CYP24A1: variants seen among roughly 807,000 people sequenced by gnomAD.
The protein encoded by CYP24A1 is 1,25-dihydroxyvitamin D(3) 24-hydroxylase, mitochondrial.
A neutral mutation model predicts 62.4 loss-of-function variants in CYP24A1; 68 were observed. The ratio of observed to expected loss-of-function variants is 1.09; its 90% CI spans 0.90 to 1.33. CYP24A1 has a LOEUF of 1.33. Among genes scored for constraint, CYP24A1 ranks in the 40% most tolerant of loss-of-function variants. CYP24A1 has a pLI of 0.00. For synonymous variants in CYP24A1, 267 were observed against 253.0 expected, an observed-to-expected ratio of 1.06 and a Z score of -0.52; for missense variants, 787 against 653.0, an observed-to-expected ratio of 1.21 and a Z score of -2.24.
At chr20:54,171,534 A>G (rs374892567) in intron 3 of CYP24A1, 43 bp downstream of exon 3, 18 of 1,613,478 alleles carry the variant, frequency 1.1e-5, no homozygotes, top group Admixed American at 3.3e-5. Flanking sequence ...CAATATCCCT[A>G]TGTCCCCACG....
At chr20:54,165,166 C>A (rs534857361) in intron 5 of CYP24A1, among the ~76,000 whole-genome samples, 1 of 152,376 alleles carries the variant, frequency 6.6e-6, no homozygotes, top group South Asian at 2.1e-4. Flanking sequence ...GGAACGGGGC[C>A]GCGCAGCAGG....
At chr20:54,147,838 C>CT in the CYP24A1 span, among the ~76,000 whole-genome samples, 12 of 149,822 alleles carry the variant, frequency 8.0e-5, no homozygotes, top group East Asian at 3.9e-4. Flanking sequence ...GCACTCAGTT[C>CT]TTTTTTTTTT....
At chr20:54,156,371 G>C (rs1344013050) in intron 11 of CYP24A1, among the ~76,000 whole-genome samples, 1 of 152,178 alleles carries the variant, frequency 6.6e-6, no homozygotes, top group African/African-American at 2.4e-5. Context: ...GAGATTCAAA[G>C]TGTGAGAGGG....
intron 4 of CYP24A1, among the ~76,000 whole-genome samples, chr20:54,166,455 A>G (rs997026038): frequency 2.6e-5 from 4 of 152,162 alleles, no homozygotes; most frequent in Non-Finnish European, 5.9e-5. Flanking sequence ...ACTCATCAAC[A>G]TCTTGCTGCC....
In CYP24A1 at chr20:54,173,426, T is replaced by C; in HGVS notation, c.154A>G (p.Thr52Ala). The C allele has an allele frequency of 6.4e-7, 1 of 1,571,818 alleles. No homozygotes were observed. The highest frequency in any genetic ancestry group is 1.2e-5 in the South Asian group (1 of 86,032). Residue 52 changes from threonine (T) to alanine (A), a missense_variant, in exon 1 of 12, where the codon ACT (threonine) becomes GCT (alanine). Coordinates refer to ENST00000216862, the MANE Select transcript of CYP24A1 (RefSeq NM_000782.5). The surrounding 1 kb of genome is among the most constrained non-coding windows in gnomAD (Gnocchi z 7.2). Reference protein sequence around the residue: ...PVCPLTAGGETQNAAALPGPT... With the variant: ...PVCPLTAGGEAQNAAALPGPT... ...CCCGGCAGGGCGGCCGCGTTCTGAG[T>C]CTCGCCACCAGCTGTCAGCGGGCAG...
chr20:54,150,496 G>A (rs1382628072), downstream of CYP24A1, among the ~76,000 whole-genome samples: 1 of 152,038 alleles, frequency 6.6e-6, no homozygotes, highest in Non-Finnish European at 1.5e-5. Context: ...ACCATGCCCA[G>A]CTAATTTTTA....
downstream of CYP24A1, among the ~76,000 whole-genome samples, chr20:54,151,255 G>A (rs1282886505): frequency 6.6e-6 from 1 of 152,170 alleles, no homozygotes; most frequent in East Asian, 1.9e-4. Context: ...ACTTCCTGAT[G>A]TTGCCATGGC....
intron 6 of CYP24A1, 37 bp downstream of exon 6, chr20:54,164,415 G>A (rs2092663359): frequency 6.2e-7 from 1 of 1,613,782 alleles, no homozygotes; most frequent in Non-Finnish European, 8.5e-7. Flanking sequence ...GGGGGTGCTG[G>A]GCTGGTTCTG....
intron 6 of CYP24A1, among the ~76,000 whole-genome samples, chr20:54,163,681 A>G (rs894954437): frequency 2.6e-5 from 4 of 152,198 alleles, no homozygotes; most frequent in African/African-American, 9.7e-5. Context: ...AGCATCAAAT[A>G]TTCCCCTTCG....
chr20:54,146,098 A>G, the CYP24A1 span, among the ~76,000 whole-genome samples: 1 of 152,234 alleles, frequency 6.6e-6, no homozygotes, highest in African/African-American at 2.4e-5. Context: ...AAATGCTGAA[A>G]AAAATCAATG....
chr20:54,157,684 A>G, intron 9 of CYP24A1, 99 bp from the exon 10 acceptor site: 2 of 815,780 alleles, frequency 2.5e-6, no homozygotes, highest in Non-Finnish European at 4.3e-6. Context: ...CAAAAGCCAA[A>G]TCCACAAATT....
At chr20:54,144,645 ATAT>A in the CYP24A1 span, among the ~76,000 whole-genome samples, 5 of 148,900 alleles carry the variant, frequency 3.4e-5, no homozygotes, top group African/African-American at 1.2e-4. Context: ...ATATAGTAAC[ATAT>A]TATTAACTAA....
At position 54,173,557 on chromosome 20, in the gene CYP24A1, C is replaced by A. The variant is rs780666646; in HGVS notation, c.23G>T (p.Ser8Ile). The A allele has an allele frequency of 3.2e-6, 5 of 1,582,242 alleles. No homozygotes were observed. The East Asian group carries it at 6.8e-5, about 22-fold the overall frequency. The part of the protein sequence containing the change: MSSPISK[S>I]RSLAAFLQQL... The stretch of plus-strand genomic sequence containing the variant: ...CTGCAGGAAGGCGGCAAGCGAGCGG[C>A]TCTTGCTGATGGGGGAGCTCATGGC... The change falls in exon 1 of 12, where the codon AGC becomes ATC. Residue 8 changes from serine (S) to isoleucine (I), a missense_variant. By Grantham distance (142) the Ser-to-Ile change is moderately radical (BLOSUM62 -2). Coordinates refer to ENST00000216862, the MANE Select transcript of CYP24A1 (RefSeq NM_000782.5). The surrounding 1 kb of genome is among the most constrained non-coding windows in gnomAD (Gnocchi z 7.2).
chr20:54,167,710 T>C (rs1368782020), intron 4 of CYP24A1, among the ~76,000 whole-genome samples: 2 of 151,974 alleles, frequency 1.3e-5, no homozygotes, highest in African/African-American at 2.4e-5. Context: ...GAGGTGGAGG[T>C]TGCAGTGAGC....
At chr20:54,148,369 G>GACACACAGACACACAC in the CYP24A1 span, among the ~76,000 whole-genome samples, 1 of 133,378 alleles carries the variant, frequency 7.5e-6, no homozygotes, top group Non-Finnish European at 1.6e-5. Flanking sequence ...CAGACACACA[G>GACACACAGACACACAC]ACACACACAC....
chr20:54,173,482 T>C lies in CYP24A1; in HGVS notation c.98A>G (p.Tyr33Cys). The C allele has an allele frequency of 6.4e-7, 1 of 1,566,412 alleles. No individual in the cohort carries two copies. The highest frequency in any genetic ancestry group is 8.7e-7 in the Non-Finnish European group (1 of 1,155,938). ...CACCTCTCGCGGCTGAGGGGACGTG[T>C]ACGCCGTAGATGTCACCAGTCTCGG... ...QPPRLVTSTA[Y>C]TSPQPREVPV... is the part of the protein sequence containing the mutation. The change falls in exon 1 of 12, where the codon TAC becomes TGC. Residue 33 changes from tyrosine (Y) to cysteine (C), a missense_variant. Transcript: ENST00000216862. The surrounding 1 kb of genome is among the most constrained non-coding windows in gnomAD (Gnocchi z 7.2).
chr20:54,170,349 A>T (rs1210392867), intron 3 of CYP24A1, among the ~76,000 whole-genome samples: 1 of 152,160 alleles, frequency 6.6e-6, no homozygotes. Flanking sequence ...ACCAAGTAGT[A>T]GTAGGTACCG....
At chr20:54,162,220 CTTTTTTTTTTTTTTTTTTT>C (rs530338632) in intron 7 of CYP24A1, among the ~76,000 whole-genome samples, 16 of 72,530 alleles carry the variant, frequency 2.2e-4, no homozygotes, top group South Asian at 5.9e-4. Flanking sequence ...GAGAGTATGC[CTTTTTTTTTTTTTTTTTTT>C]TTTTTTTTTT....
intron 8 of CYP24A1, 28 bp downstream of exon 8, chr20:54,158,929 T>C (rs1321094229): frequency 1.2e-6 from 2 of 1,614,048 alleles, no homozygotes; most frequent in African/African-American, 2.7e-5. Context: ...TCTAACACAT[T>C]TATATTGGCT....
Sources: allele counts gnomAD v4.1 joint callset (sites outside exome capture counted in the v4.1 genomes callset), GRCh38; gene constraint gnomAD v4.1.1; non-coding constraint Gnocchi (gnomAD v3.1); transcripts MANE v1.5; gene names NCBI Gene and HGNC (gene_info 2026-07-23, HGNC 2026-07-21).